ESS2: variants seen among roughly 807,000 people sequenced by gnomAD.
ESS2 encodes the protein ess-2 spliceosome associated protein.
Under a neutral mutation model 52.0 loss-of-function variants are expected in ESS2, and 31 were observed. The observed-to-expected ratio is 0.60, with a 90% confidence interval of 0.45 to 0.81. The LOEUF (loss-of-function observed/expected upper bound fraction) is 0.81. Among genes scored for constraint, ESS2 ranks in the 30% least tolerant of loss-of-function variants. The pLI is 0.00. For synonymous variants in ESS2, 285 were observed against 259.2 expected (o/e 1.10, Z -0.95); for missense variants, 602 against 637.2 (o/e 0.94, Z 0.59).
chr22:19,141,584 CAT>C, intron 3 of ESS2, among the ~76,000 whole-genome samples: 1 of 152,350 alleles, frequency 6.6e-6, no homozygotes, highest in Middle Eastern at 3.4e-3. Context: ...CACAACACCA[CAT>C]GTGCTGTTCC....
At chr22:19,139,076 CAA>C (rs1232025698) in intron 6 of ESS2, 81 bp downstream of exon 6, 89 of 1,500,974 alleles carry the variant, frequency 5.9e-5, no homozygotes, top group Non-Finnish European at 7.4e-5. Context: ...CTGCCAAGCT[CAA>C]AGAGATGGGA....
intron 7 of ESS2, chr22:19,137,693 C>T: frequency 1.0e-6 from 1 of 960,666 alleles, no homozygotes; most frequent in Non-Finnish European, 1.2e-6. Context: ...CTCCCCCAGC[C>T]ACGCAGGAGG....
intron 6 of ESS2, 74 bp downstream of exon 6, chr22:19,139,085 G>T: frequency 6.6e-7 from 1 of 1,516,066 alleles, no homozygotes; most frequent in South Asian, 1.2e-5. Context: ...TCAAAGAGAT[G>T]GGAGAGATCA....
At chr22:19,138,523 G>C (rs1368449085) in intron 6 of ESS2, 1 of 687,230 alleles carries the variant, frequency 1.5e-6, no homozygotes. Flanking sequence ...GTCAAAGTGG[G>C]TACCCAAGCA....
At position 19,132,651 on chromosome 22, in the gene ESS2, G is replaced by A. The variant is rs1026311463; in HGVS notation, c.*1545C>T. ...TCCATTAGCTTTCTTCCACTTAGCA[G>A]CAAAGACGTTCCTTACTGACCACCA... On this transcript the variant is annotated 3_prime_UTR_variant, in exon 10 of 10. Transcript: ENST00000252137. The surrounding 1 kb of genome is among the most constrained non-coding windows in gnomAD (Gnocchi z 4.2). The A allele has an allele frequency of 1.8e-5, 12 of 669,308 alleles. No individual in the cohort carries two copies. The highest frequency in any genetic ancestry group is 2.8e-5 in the Non-Finnish European group (11 of 389,124). 41.5% of individuals were successfully genotyped at this position (669,308 alleles called of 1,614,324 possible).
rs201845619 is a variant in ESS2 at position 19,144,615 on chromosome 22, G to C, written c.26C>G (p.Ser9Trp). METPGASA[S>W]SLLLPAASRP... ...GGACGCGGCGGGAAGCAACAAGGACGACGCTGATGCGCCCGGCGTCTCCAT... is the reference window on the plus strand; with the variant it reads ...GGACGCGGCGGGAAGCAACAAGGACCACGCTGATGCGCCCGGCGTCTCCAT... The change falls in exon 1 of 10, where the codon TCG (serine) becomes TGG (tryptophan). Residue 9 changes from serine to tryptophan, a missense_variant. Coordinates refer to ENST00000252137, the MANE Select transcript of ESS2 (RefSeq NM_022719.3). The C allele has an allele frequency of 6.7e-5, 104 of 1,554,354 alleles. No individual in the cohort carries two copies. In the Middle Eastern group the frequency reaches 6.9e-4, roughly 10 times the overall value.
intron 8 of ESS2, 83 bp downstream of exon 8, chr22:19,137,240 T>C (rs1188773211): frequency 6.2e-6 from 6 of 964,614 alleles, no homozygotes; most frequent in African/African-American, 3.3e-5. Context: ...CCGATCCCAG[T>C]GCTCAGTCCT....
At chr22:19,141,759 A>G (rs866689654) in intron 3 of ESS2, among the ~76,000 whole-genome samples, 1 of 152,182 alleles carries the variant, frequency 6.6e-6, no homozygotes, top group Non-Finnish European at 1.5e-5. Flanking sequence ...GGGCCGAGGC[A>G]GACAGATCAC....
At chr22:19,137,565 A>T in intron 7 of ESS2, 133 bp from the exon 8 acceptor site, 1 of 922,248 alleles carries the variant, frequency 1.1e-6, no homozygotes. Context: ...CTCCTTCCCC[A>T]GGACTCTGGA....
intron 7 of ESS2, chr22:19,138,004 G>T: frequency 1.0e-6 from 1 of 985,414 alleles, no homozygotes; most frequent in South Asian, 4.7e-5. Context: ...CTCAGGCCAG[G>T]TCTGCCTGAG....
Position 19,133,895 on chromosome 22 carries a change from A to C in ESS2, c.*301T>G. On this transcript the variant is annotated 3_prime_UTR_variant, in exon 10 of 10. Coordinates refer to ENST00000252137, the MANE Select transcript of ESS2 (RefSeq NM_022719.3). The stretch of plus-strand genomic sequence containing the variant: ...GTGATGCAGGCCCCAGGGCAAGGCT[A>C]GGGCTCGTGTGGGGAGCAAGATGGA... 3.3e-6 allele frequency: 1 copy of C among 299,738 alleles called. No individual in the cohort carries two copies. The highest frequency in any genetic ancestry group is 6.1e-6 in the Non-Finnish European group (1 of 164,126). The allele number at this position is 299,738 out of a possible 1,614,324, so 18.6% of individuals were successfully genotyped here. A position where few individuals can be genotyped will look rare whatever the true frequency, so the allele number is the denominator to read the frequency against.
At position 19,130,761 on chromosome 22, in the gene ESS2, C is replaced by G. The variant is rs1168701354; in HGVS notation, c.*3435G>C. ...GGCTCCTGCTGACCATGTTTCATTT[C>G]TAGCTTTGATGTCTGGGCACTGATT... On this transcript the variant is annotated 3_prime_UTR_variant, in exon 10 of 10. Coordinates refer to ENST00000252137, the MANE Select transcript of ESS2 (RefSeq NM_022719.3). 1 of 209,484 alleles carries G rather than the reference C, an allele frequency of 4.8e-6. No homozygotes were observed. Among genetic ancestry groups the G allele is most frequent in the Non-Finnish European group, 9.6e-6 (1 of 104,046 alleles). The allele number at this position is 209,484 out of a possible 1,614,324, so 13.0% of individuals were successfully genotyped here.
chr22:19,137,941 C>A (rs1167011827), intron 7 of ESS2: 8 of 985,328 alleles, frequency 8.1e-6, no homozygotes, highest in Non-Finnish European at 8.4e-6. Flanking sequence ...CACACACCCC[C>A]ACCCACTGAC....
At position 19,133,852 on chromosome 22, in the gene ESS2, G is replaced by A. The variant is rs939005325; in HGVS notation, c.*344C>T. On this transcript the variant is annotated 3_prime_UTR_variant, in exon 10 of 10. Coordinates refer to ENST00000252137, the MANE Select transcript of ESS2 (RefSeq NM_022719.3). ...TCACCTGGGGGGCCCCTCGCTTCAA[G>A]CCCCGCAGTCCTGAGACGTGATGCA... 4 of 238,404 alleles carry A rather than the reference G, an allele frequency of 1.7e-5. No homozygotes were observed. Among genetic ancestry groups the A allele is most frequent in the African/African-American group, 8.9e-5 (4 of 44,718 alleles). The allele number at this position is 238,404 out of a possible 1,614,324, so 14.8% of individuals were successfully genotyped here. A position where few individuals can be genotyped will look rare whatever the true frequency, so the allele number is the denominator to read the frequency against.
In ESS2 at chr22:19,132,024, A is replaced by G. The variant is rs1764407208; in HGVS notation, c.*2172T>C. ...GAGCCTGGGCGTGATCCTGTACATCATGGTCTGCGGCTCCATGCCCTATGA... is the reference window on the plus strand; with the variant it reads ...GAGCCTGGGCGTGATCCTGTACATCGTGGTCTGCGGCTCCATGCCCTATGA... On this transcript the variant is annotated 3_prime_UTR_variant, in exon 10 of 10. Coordinates refer to ENST00000252137, the MANE Select transcript of ESS2 (RefSeq NM_022719.3). This position sits in a 1 kb window ranked among gnomAD's most constrained non-coding sequence, Gnocchi z 4.2. 2 of 1,614,100 alleles carry G rather than the reference A, an allele frequency of 1.2e-6. No homozygotes were observed. Among genetic ancestry groups the G allele is most frequent in the Non-Finnish European group, 8.5e-7 (1 of 1,180,034 alleles).
At chr22:19,139,535 A>G in intron 5 of ESS2, 77 bp downstream of exon 5, 2 of 1,427,396 alleles carry the variant, frequency 1.4e-6, no homozygotes, top group Non-Finnish European at 2.0e-6. Context: ...CACACCTGGA[A>G]GGCTGCTCCA....
In ESS2 at chr22:19,139,267, A is replaced by T; in HGVS notation, c.714T>A (p.Phe238Leu). 2 of 1,603,646 alleles carry T rather than the reference A, an allele frequency of 1.2e-6. No homozygotes were observed. Among genetic ancestry groups the T allele is most frequent in the Middle Eastern group, 1.7e-4 (1 of 6,028 alleles). ...PEGVPDEEQLFKKPRQVVHKN... is the reference protein window; with the variant it reads ...PEGVPDEEQLLKKPRQVVHKN... ...TATGTACCACCTGCCGGGGCTTCTT[A>T]AACAGCTGCTCCTCGTCAGGGACAC... Residue 238 changes from phenylalanine to leucine, a missense_variant, in exon 6 of 10, where the codon TTT becomes TTA. Coordinates refer to ENST00000252137, the MANE Select transcript of ESS2 (RefSeq NM_022719.3).
chr22:19,136,305 TCGCCAC>T (rs2083581356), intron 8 of ESS2, among the ~76,000 whole-genome samples: 3 of 8,218 alleles, frequency 3.7e-4, no homozygotes, highest in Non-Finnish European at 5.4e-4. Context: ...AACTAAATAT[TCGCCAC>T]TATTTTCTAG....
intron 1 of ESS2, chr22:19,144,216 C>T: frequency 8.4e-7 from 1 of 1,185,722 alleles, no homozygotes; most frequent in Non-Finnish European, 1.0e-6. Flanking sequence ...TTGCCACCAT[C>T]CTTCCAGTTT....
Sources: gnomAD v4.1 joint callset for allele counts (sites outside exome capture counted in the v4.1 genomes callset) on GRCh38, gnomAD v4.1.1 for gene constraint, Gnocchi (gnomAD v3.1) non-coding constraint, MANE v1.5 for transcripts, NCBI Gene and HGNC (gene_info 2026-07-23, HGNC 2026-07-21) for gene names.